Variants in OSBPL5 observed in about 807,000 individuals in gnomAD.
OSBPL5 encodes the protein oxysterol binding protein like 5.
In OSBPL5, 71 loss-of-function variants were observed where a neutral mutation model predicts 111.2. The observed-to-expected ratio is 0.64, with a 90% CI of 0.53 to 0.78. The LOEUF (loss-of-function observed/expected upper bound fraction) is 0.78. Ranked by LOEUF, OSBPL5 falls within the 30% of genes least tolerant of loss-of-function variation. The pLI, the probability that OSBPL5 is intolerant of heterozygous loss-of-function variation, is 0.00. For missense variants in OSBPL5, 1,210 were observed against 1,189.3 expected (o/e 1.02, Z -0.26); for synonymous variants, 549 against 513.9 (o/e 1.07, Z -0.93).
In OSBPL5 at chr11:3,088,587, T is replaced by C. The variant is rs11025338; in HGVS notation, c.2502-244A>G. Among the ~76,000 whole-genome samples the C allele has an allele frequency of 5.5e-3, 842 of 152,232 alleles. 7 individuals carry two copies. Among genetic ancestry groups the C allele is most frequent in the Non-Finnish European group, 9.8e-3 (665 of 67,998 alleles). On this transcript the variant is annotated intron_variant, in intron 21 of 21. Coordinates refer to ENST00000263650, the MANE Select transcript of OSBPL5 (RefSeq NM_020896.4). ...ATTCAGGGCAGAGGAGGGTCAGGGATTGGGGAGTCAGCCTTTTACATCCTC... is the reference window on the plus strand; with the variant it reads ...ATTCAGGGCAGAGGAGGGTCAGGGACTGGGGAGTCAGCCTTTTACATCCTC...
rs1165100268 is a variant in OSBPL5 at position 3,112,066 on chromosome 11, T to TGTGCGTGC, written c.692-4122_692-4121insGCACGCAC. On this transcript the variant is annotated intron_variant, in intron 7 of 21. Coordinates refer to ENST00000263650, the MANE Select transcript of OSBPL5 (RefSeq NM_020896.4). ...GCGCGCATGTGTGTGCATGTGTATGTGTGTGTGCATGTGTGTGTGCATGTG... is the reference window on the plus strand; with the variant it reads ...GCGCGCATGTGTGTGCATGTGTATGTGTGCGTGCGTGTGTGCATGTGTGTGTGCATGTG... 1.8e-4 allele frequency among the ~76,000 whole-genome samples: 15 copies of TGTGCGTGC among 84,908 alleles called. 1 individual carries two copies. Among genetic ancestry groups the TGTGCGTGC allele is most frequent in the South Asian group, 8.8e-4 (2 of 2,260 alleles). 55.7% of individuals were successfully genotyped at this position (84,908 alleles called of 152,430 possible).
intron 21 of OSBPL5, among the ~76,000 whole-genome samples, chr11:3,088,659 A>T (rs1003792245): frequency 6.6e-6 from 1 of 151,890 alleles, no homozygotes; most frequent in African/African-American, 2.4e-5. Flanking sequence ...TGCCACCTTC[A>T]TATGTTGGAG....
intron 1 of OSBPL5, among the ~76,000 whole-genome samples, chr11:3,136,994 C>T (rs1845966645): frequency 6.6e-6 from 1 of 152,252 alleles, no homozygotes; most frequent in African/African-American, 2.4e-5. Context: ...ATGCTTGGCT[C>T]TTCGCACATG....
chr11:3,089,830 C>T lies in OSBPL5; in HGVS notation c.2501+16G>A, dbSNP rs984179999. On this transcript the variant is annotated intron_variant, in intron 21 of 21. Transcript: ENST00000263650. The stretch of plus-strand genomic sequence containing the variant: ...TCTGACCCGGAGTCTGGATGGACAC[C>T]CTGAGTGTGGCCCACCTGTGCAGCT... 1.1e-5 allele frequency: 17 copies of T among 1,552,058 alleles called. No individual in the cohort carries two copies. Among genetic ancestry groups the T allele is most frequent in the Non-Finnish European group, 1.5e-5 (17 of 1,147,558 alleles).
intron 7 of OSBPL5, among the ~76,000 whole-genome samples, chr11:3,118,374 C>A (rs1858282809): frequency 6.6e-6 from 1 of 152,320 alleles, no homozygotes; most frequent in East Asian, 1.9e-4. Context: ...TACCTATGAC[C>A]TGGAAGCCCC....
rs748296314 is a variant in OSBPL5, at chr11:3,107,932, C to T, written c.705G>A (p.Leu235=). Residue 235 remains leucine, a synonymous_variant, in exon 8 of 22, where the codon CTG becomes CTA. Transcript: ENST00000263650. The surrounding 1 kb of genome is among the most constrained non-coding windows in gnomAD (Gnocchi z 6.1). ...AASESDGRCW[L]DALELALRCS... is the part of the protein sequence containing the mutation. ...AGCGCAGGGCCAGCTCCAGGGCGTC[C>T]AGCCAGCAGCGACCTGCGGGGCACA... The T allele has an allele frequency of 2.5e-6, 4 of 1,599,370 alleles. No individual in the cohort carries two copies. Among genetic ancestry groups the T allele is most frequent in the Non-Finnish European group, 2.5e-6 (3 of 1,179,714 alleles).
In OSBPL5 at chr11:3,106,913, G is replaced by A. The variant is rs948747172; in HGVS notation, c.1059+350C>T. ...CACGCCCTCCTCTGCGCTCCTCCAGGAAGTGGGGCCGCCCAGCAGATGGGG... is the reference window on the plus strand; with the variant it reads ...CACGCCCTCCTCTGCGCTCCTCCAGAAAGTGGGGCCGCCCAGCAGATGGGG... On this transcript the variant is annotated intron_variant, in intron 9 of 21. Coordinates refer to ENST00000263650, the MANE Select transcript of OSBPL5 (RefSeq NM_020896.4). The surrounding 1 kb of genome is among the most constrained non-coding windows in gnomAD (Gnocchi z 8.4). Among the ~76,000 whole-genome samples, 4 of 152,194 alleles carry A rather than the reference G, an allele frequency of 2.6e-5. No homozygotes were observed. Among genetic ancestry groups the A allele is most frequent in the Admixed American group, 2.6e-4 (4 of 15,286 alleles).
chr11:3,150,335 T>C (rs962371504), intron 1 of OSBPL5, among the ~76,000 whole-genome samples: 4 of 151,960 alleles, frequency 2.6e-5, no homozygotes, highest in African/African-American at 9.7e-5. Context: ...GGTTCCCAGG[T>C]AAACATGTCT....
At chr11:3,138,771 A>G (rs117901988) in intron 1 of OSBPL5, among the ~76,000 whole-genome samples, 4 of 152,188 alleles carry the variant, frequency 2.6e-5, no homozygotes, top group Non-Finnish European at 4.4e-5. Context: ...GCCGCTGCCT[A>G]CCCAGGTGGG....
rs1309801060 is a variant in OSBPL5 at position 3,092,593 on chromosome 11, A to G, written c.2133-35T>C. On this transcript the variant is annotated intron_variant, in intron 18 of 21. Transcript: ENST00000263650. This position sits in a 1 kb window ranked among gnomAD's most constrained non-coding sequence, Gnocchi z 5.4. Reference sequence around the variant, plus strand: ...CCAGAGGGCGTTCATCAGCACAGGCAGTGGCCCTCAGGTGAGGGGGCTGTC... The same window carrying G: ...CCAGAGGGCGTTCATCAGCACAGGCGGTGGCCCTCAGGTGAGGGGGCTGTC... 6.5e-7 allele frequency: 1 copy of G among 1,542,188 alleles called. No homozygotes were observed. Among genetic ancestry groups the G allele is most frequent in the African/African-American group, 1.4e-5 (1 of 73,660 alleles).
intron 10 of OSBPL5, among the ~76,000 whole-genome samples, chr11:3,103,872 CTGCCTCTGT>C (rs879437692): frequency 0.046 from 1,154 of 25,344 alleles, 20 homozygotes; most frequent in Non-Finnish European, 0.077. Flanking sequence ...AGCCCCCTTC[CTGCCTCTGT>C]AGCCCCATTC....
At chr11:3,164,043 G>A (rs1564873643) in intron 1 of OSBPL5, 1 of 152,342 alleles carries the variant, frequency 6.6e-6, no homozygotes, top group Admixed American at 6.5e-5. Context: ...TTTCTGTTCA[G>A]TCTGGGATCT....
rs576379134 is a variant in OSBPL5, at chr11:3,161,844, G to A, written c.-22+3372C>T. 1.6e-4 allele frequency among the ~76,000 whole-genome samples: 24 copies of A among 152,346 alleles called. No individual in the cohort carries two copies. The highest frequency in any genetic ancestry group is 5.8e-4 in the African/African-American group (24 of 41,572). Reference sequence around the variant, plus strand: ...CTCAGAGAGGCAGCATCTGAGCTGGGACCTGAATTAGATGGAGCCCACCAA... The same window carrying A: ...CTCAGAGAGGCAGCATCTGAGCTGGAACCTGAATTAGATGGAGCCCACCAA... On this transcript the variant is annotated intron_variant, in intron 1 of 21. Coordinates refer to ENST00000263650, the MANE Select transcript of OSBPL5 (RefSeq NM_020896.4). The surrounding 1 kb of genome is among the most constrained non-coding windows in gnomAD (Gnocchi z 8.0).
At position 3,109,711 on chromosome 11, in the gene OSBPL5, G is replaced by A. The variant is rs1313942157; in HGVS notation, c.692-1766C>T. Among the ~76,000 whole-genome samples the A allele has an allele frequency of 6.6e-6, 1 of 152,124 alleles. No individual in the cohort carries two copies. Among genetic ancestry groups the A allele is most frequent in the Non-Finnish European group, 1.5e-5 (1 of 68,036 alleles). On this transcript the variant is annotated intron_variant, in intron 7 of 21. Coordinates refer to ENST00000263650, the MANE Select transcript of OSBPL5 (RefSeq NM_020896.4). The surrounding 1 kb of genome is among the most constrained non-coding windows in gnomAD (Gnocchi z 7.4). The stretch of plus-strand genomic sequence containing the variant: ...GGCCAAGCCTGGGCGGAACACCAGG[G>A]TTGGGGGAGGGATGGCAGTGGATGG...
chr11:3,163,010 C>G (rs1193735657), intron 1 of OSBPL5, among the ~76,000 whole-genome samples: 1 of 152,114 alleles, frequency 6.6e-6, no homozygotes, highest in Non-Finnish European at 1.5e-5. Context: ...CTGCACCTAA[C>G]GGCTCCCTCC....
At chr11:3,129,584 C>T (rs1858755338) in intron 1 of OSBPL5, among the ~76,000 whole-genome samples, 1 of 152,180 alleles carries the variant, frequency 6.6e-6, no homozygotes, top group Non-Finnish European at 1.5e-5. Context: ...CTAGAGCTTC[C>T]ATGGAGAAGA....
At chr11:3,150,974 G>GT (rs1296361043) in intron 1 of OSBPL5, among the ~76,000 whole-genome samples, 1 of 152,154 alleles carries the variant, frequency 6.6e-6, no homozygotes, top group Non-Finnish European at 1.5e-5. Flanking sequence ...TTCATGAAAG[G>GT]TGTGTCCAAG....
intron 1 of OSBPL5, among the ~76,000 whole-genome samples, chr11:3,145,172 T>A (rs1846300183): frequency 6.6e-6 from 1 of 152,186 alleles, no homozygotes; most frequent in African/African-American, 2.4e-5. Flanking sequence ...CGCCTGGATT[T>A]GACGAAGCCC....
rs1403932965 is a variant in OSBPL5 at position 3,126,095 on chromosome 11, T to G, written c.219+378A>C. On this transcript the variant is annotated intron_variant, in intron 3 of 21. Coordinates refer to ENST00000263650, the MANE Select transcript of OSBPL5 (RefSeq NM_020896.4). The surrounding 1 kb of genome is among the most constrained non-coding windows in gnomAD (Gnocchi z 6.5). ...TGGCCATGTAAGATGGTGCAGCCGC[T>G]GGGAAAGGAGTTTGGCAGTTCCTCC... 6.6e-6 allele frequency among the ~76,000 whole-genome samples: 1 copy of G among 152,176 alleles called. No homozygotes were observed. The highest frequency in any genetic ancestry group is 2.4e-5 in the African/African-American group (1 of 41,440).
Sources: allele counts gnomAD v4.1 joint callset (sites outside exome capture counted in the v4.1 genomes callset), GRCh38; gene constraint gnomAD v4.1.1; non-coding constraint Gnocchi (gnomAD v3.1); transcripts MANE v1.5; gene names NCBI Gene and HGNC (gene_info 2026-07-23, HGNC 2026-07-21).